The following UBL3 variants were observed in gnomAD, a reference collection of about 807,000 sequenced individuals.
UBL3 encodes ubiquitin like 3, also known as ubiquitin-like protein 3.
UBL3 carries 6 observed loss-of-function variants against 18.4 expected under a neutral mutation model. The ratio of observed to expected loss-of-function variants is 0.33; its 90% confidence interval spans 0.18 to 0.64. The LOEUF (loss-of-function observed/expected upper bound fraction) is 0.64, where lower values mean the gene tolerates loss of function less well. Among genes scored for constraint, UBL3 ranks in the 30% least tolerant of loss-of-function variants. The pLI is 0.76. For synonymous variants in UBL3, 49 were observed against 46.6 expected (o/e 1.05, Z -0.21); for missense variants, 109 against 142.9 (o/e 0.76, Z 1.21).
chr13:29,774,010 TTTTAA>T (rs1229206660), intron 2 of UBL3, among the ~76,000 whole-genome samples: 1 of 152,308 alleles, frequency 6.6e-6, no homozygotes, highest in Non-Finnish European at 1.5e-5. Flanking sequence ...AGACTTAGAT[TTTTAA>T]TTTAAGTATT....
In UBL3 at chr13:29,813,178, T is replaced by A. The variant is rs144886038; in HGVS notation, c.28-35915A>T. ...TCCTAAGCAATTGCTATAGTTTTAA[T>A]TTATGAATACTATGAATCTTATTAT... On this transcript the variant is annotated intron_variant, in intron 1 of 4. Coordinates refer to ENST00000380680, the MANE Select transcript of UBL3 (RefSeq NM_007106.4). Among the ~76,000 whole-genome samples the A allele has an allele frequency of 2.8e-4, 42 of 152,176 alleles. No homozygotes were observed. The East Asian group carries it at 8.1e-3, about 29-fold the overall frequency.
intron 1 of UBL3, among the ~76,000 whole-genome samples, chr13:29,805,252 T>G (rs1333994737): frequency 3.9e-5 from 6 of 152,244 alleles, no homozygotes; most frequent in Non-Finnish European, 8.8e-5. Flanking sequence ...ATGGATGGAT[T>G]AAATGGTCTA....
intron 1 of UBL3, among the ~76,000 whole-genome samples, chr13:29,780,367 A>AAAAAAAATATATATATAT (rs1359464345): frequency 1.9e-5 from 2 of 103,340 alleles, no homozygotes; most frequent in African/African-American, 8.0e-5. Flanking sequence ...AAAAAAAAAA[A>AAAAAAAATATATATATAT]ATATATATAT....
chr13:29,777,479 T>C (rs764577301), intron 1 of UBL3: 3 of 654,824 alleles, frequency 4.6e-6, no homozygotes, highest in Non-Finnish European at 8.5e-6. Flanking sequence ...GTGTCAGACA[T>C]ATTTGCCATA....
chr13:29,811,934 C>T (rs1454012324), intron 1 of UBL3, among the ~76,000 whole-genome samples: 1 of 151,990 alleles, frequency 6.6e-6, no homozygotes, highest in South Asian at 2.1e-4. Flanking sequence ...CTTCATGCTG[C>T]CCTTTAAATA....
chr13:29,777,315 A>G, intron 1 of UBL3, 52 bp from the exon 2 acceptor site: 1 of 1,432,026 alleles, frequency 7.0e-7, no homozygotes, highest in South Asian at 1.3e-5. Context: ...TTTTTAAGTA[A>G]AAAAGAAGAC....
chr13:29,802,706 T>C (rs1234820027), intron 1 of UBL3, among the ~76,000 whole-genome samples: 1 of 152,016 alleles, frequency 6.6e-6, no homozygotes, highest in East Asian at 1.9e-4. Context: ...GGCAAGAGTC[T>C]CAAAGCCTGA....
At position 29,812,393 on chromosome 13, in the gene UBL3, A is replaced by T. The variant is rs74044746; in HGVS notation, c.28-35130T>A. 2.3e-3 allele frequency among the ~76,000 whole-genome samples: 350 copies of T among 152,044 alleles called. 3 individuals are homozygous for T. Among genetic ancestry groups the T allele is most frequent in the African/African-American group, 8.3e-3 (345 of 41,486 alleles). On this transcript the variant is annotated intron_variant, in intron 1 of 4. Transcript: ENST00000380680. ...CTCATTTTCTCTTCTGGATTAATAC[A>T]CTCTTAGCCAAGTGTATAAATCAGA...
intron 1 of UBL3, among the ~76,000 whole-genome samples, chr13:29,827,665 T>C (rs535392364): frequency 7.2e-5 from 11 of 152,360 alleles, no homozygotes; most frequent in Admixed American, 1.3e-4. Context: ...AATTGGAGCA[T>C]TTAGTCCATT....
Position 29,817,718 on chromosome 13 carries a change from T to C in UBL3, c.27+31794A>G, listed in dbSNP as rs565213144. Among the ~76,000 whole-genome samples, 26 of 152,304 alleles carry C rather than the reference T, an allele frequency of 1.7e-4. 1 individual carries two copies. The South Asian group carries it at 5.2e-3, about 30-fold the overall frequency. On this transcript the variant is annotated intron_variant, in intron 1 of 4. Transcript: ENST00000380680. ...TAAGTGAAATACGTACAAATTCACA[T>C]GTACATGTGTGCATGCATGTATAAA...
rs547569790 is a variant in UBL3, at chr13:29,794,294, T to G, written c.28-17031A>C. Among the ~76,000 whole-genome samples the G allele has an allele frequency of 2.0e-5, 3 of 152,136 alleles. No homozygotes were observed. In the East Asian group the frequency reaches 5.8e-4, roughly 29 times the overall value. On this transcript the variant is annotated intron_variant, in intron 1 of 4. Transcript: ENST00000380680. ...TGCTTTCTTAAGGAATAAAATTACT[T>G]TCTCACTTTTCTTCAATAGCAATTC...
chr13:29,818,921 T>C (rs530136768), intron 1 of UBL3, among the ~76,000 whole-genome samples: 1 of 152,306 alleles, frequency 6.6e-6, no homozygotes, highest in South Asian at 2.1e-4. Context: ...ATCTGTGTGT[T>C]TGATAATATT....
At chr13:29,837,871 A>C (rs1037342460) in intron 1 of UBL3, among the ~76,000 whole-genome samples, 1 of 151,410 alleles carries the variant, frequency 6.6e-6, no homozygotes, top group Non-Finnish European at 1.5e-5. Flanking sequence ...CGGAGGTTGC[A>C]GGGAACTGAA....
chr13:29,783,869 T>C (rs1023508734), intron 1 of UBL3, among the ~76,000 whole-genome samples: 1 of 152,200 alleles, frequency 6.6e-6, no homozygotes, highest in Non-Finnish European at 1.5e-5. Context: ...TTTGTGTACA[T>C]ACCTGTCTAA....
intron 1 of UBL3, among the ~76,000 whole-genome samples, chr13:29,812,924 T>C (rs1367956757): frequency 1.3e-5 from 2 of 152,126 alleles, no homozygotes; most frequent in African/African-American, 4.8e-5. Context: ...ACCTGTTGTC[T>C]TTTAACTTTA....
chr13:29,845,689 C>T (rs1879212302), intron 1 of UBL3, among the ~76,000 whole-genome samples: 1 of 152,064 alleles, frequency 6.6e-6, no homozygotes, highest in Non-Finnish European at 1.5e-5. Flanking sequence ...TAAAAATATT[C>T]ATTAAGCACA....
Position 29,849,876 on chromosome 13 carries a change from G to T in UBL3, c.-338C>A. ...GAGTGACACACGGACATGGAGAGGG[G>T]TGGGAGGGGGTTAAATGCGCCTTCC... is the stretch of plus-strand genomic sequence containing the variant. On this transcript the variant is annotated 5_prime_UTR_variant, in exon 1 of 5. Transcript: ENST00000380680. 1 of 469,712 alleles carries T rather than the reference G, an allele frequency of 2.1e-6. No homozygotes were observed. The highest frequency in any genetic ancestry group is 3.5e-5 in the Admixed American group (1 of 28,248). 29.1% of individuals were successfully genotyped at this position (469,712 alleles called of 1,614,324 possible).
chr13:29,777,249 G>A lies in UBL3; in HGVS notation c.42C>T (p.Leu14=), dbSNP rs34530713. The A allele has an allele frequency of 9.8e-5, 158 of 1,607,448 alleles. No homozygotes were observed. The Middle Eastern group carries it at 1.3e-3, about 13-fold the overall frequency. The change falls in exon 2 of 5, where the codon CTC becomes CTT. Residue 14 remains leucine, a synonymous_variant. Transcript: ENST00000380680. Reference sequence around the variant, plus strand: ...CTTTTGTTTTTCCGCTTACCAAAATGAGGCGCAAATTTATCTGAAAGAAGA... The same window carrying A: ...CTTTTGTTTTTCCGCTTACCAAAATAAGGCGCAAATTTATCTGAAAGAAGA... The part of the protein sequence containing the change: ...NVPADMINLR[L]ILVSGKTKEF...
intron 1 of UBL3, among the ~76,000 whole-genome samples, chr13:29,842,023 G>C (rs568396817): frequency 1.3e-5 from 2 of 151,948 alleles, no homozygotes; most frequent in South Asian, 4.1e-4. Flanking sequence ...AAAGACTGCT[G>C]AAAGACCCAA....
Sources: gnomAD v4.1 joint callset for allele counts (sites outside exome capture counted in the v4.1 genomes callset) on GRCh38, gnomAD v4.1.1 for gene constraint, MANE v1.5 for transcripts, NCBI Gene and HGNC (gene_info 2026-07-23, HGNC 2026-07-21) for gene names.